Variants in NAALADL2 observed in about 807,000 individuals in gnomAD.
NAALADL2 encodes the protein inactive N-acetylated-alpha-linked acidic dipeptidase-like protein 2.
A neutral mutation model predicts 87.2 loss-of-function variants in NAALADL2; 76 were observed. That is an observed-to-expected ratio of 0.87 (90% confidence interval 0.72 to 1.05). The LOEUF is 1.05. Ranked by LOEUF, NAALADL2 falls within the 50% of genes least tolerant of loss-of-function variation. NAALADL2 has a pLI of 0.00. For missense variants in NAALADL2, 1,089 were observed against 945.8 expected (o/e 1.15, Z -1.99); for synonymous variants, 354 against 331.0 (o/e 1.07, Z -0.75).
At chr3:174,773,980 C>A (rs1338857203) in intron 3 of NAALADL2, among the ~76,000 whole-genome samples, 1 of 152,066 alleles carries the variant, frequency 6.6e-6, no homozygotes, top group Non-Finnish European at 1.5e-5. Context: ...ACTGAATTTT[C>A]ATGATTGCCT....
At chr3:175,464,236 G>C (rs978884320) in intron 7 of NAALADL2, among the ~76,000 whole-genome samples, 3 of 151,516 alleles carry the variant, frequency 2.0e-5, no homozygotes, top group Non-Finnish European at 4.4e-5. Context: ...CTGTATCCTT[G>C]GTCCATTGCC....
chr3:175,103,057 C>A lies in NAALADL2; in HGVS notation c.545+5766C>A, dbSNP rs561486646. Among the ~76,000 whole-genome samples, 19 of 145,514 alleles carry A rather than the reference C, an allele frequency of 1.3e-4. No homozygotes were observed. The South Asian group carries it at 3.6e-3, about 28-fold the overall frequency. On this transcript the variant is annotated intron_variant, in intron 2 of 13. Coordinates refer to ENST00000454872, the MANE Select transcript of NAALADL2 (RefSeq NM_207015.3). The stretch of plus-strand genomic sequence containing the variant: ...CCAGGAGGCGGAGGTTGCAGTGAGC[C>A]GAGATCCACCACTGCATTCCAGCCA...
chr3:174,529,304 G>A (rs1262729802), intron 1 of NAALADL2, among the ~76,000 whole-genome samples: 1 of 152,218 alleles, frequency 6.6e-6, no homozygotes, highest in South Asian at 2.1e-4. Flanking sequence ...AGGTTGCACT[G>A]ATGCAAGAGG....
intron 1 of NAALADL2, among the ~76,000 whole-genome samples, chr3:174,922,893 G>A (rs1399320671): frequency 1.3e-5 from 2 of 152,046 alleles, no homozygotes; most frequent in African/African-American, 2.4e-5. Flanking sequence ...CTTTTTGCTG[G>A]TGGTATTAAC....
At chr3:174,499,507 C>A (rs1411303396) in intron 1 of NAALADL2, among the ~76,000 whole-genome samples, 1 of 152,062 alleles carries the variant, frequency 6.6e-6, no homozygotes, top group Non-Finnish European at 1.5e-5. Flanking sequence ...CTATCCCTAT[C>A]CCAAGCACAC....
Position 175,364,122 on chromosome 3 carries a change from TAAAGA to T in NAALADL2, c.1090+39803_1090+39807del, listed in dbSNP as rs1400924334. On this transcript the variant is annotated intron_variant, in intron 5 of 13. Coordinates refer to ENST00000454872, the MANE Select transcript of NAALADL2 (RefSeq NM_207015.3). ...ATGTAATTAGATTTACTGATTCAAA[TAAAGA>T]AAAGAGTGATAAATTTCTGTGTGTG... 2.5e-4 allele frequency among the ~76,000 whole-genome samples: 37 copies of T among 147,990 alleles called. 2 individuals are homozygous for T. The highest frequency in any genetic ancestry group is 7.8e-4 in the African/African-American group (32 of 40,858).
chr3:175,393,850 T>C lies in NAALADL2; in HGVS notation c.1091-53379T>C, dbSNP rs2149031071. On this transcript the variant is annotated intron_variant, in intron 5 of 13. Transcript: ENST00000454872. ...TTTTGAAAATTGTCCTAAAAATGTCTTTGGTAGCTATGTCTTCAACCCAAC... is the reference window on the plus strand; with the variant it reads ...TTTTGAAAATTGTCCTAAAAATGTCCTTGGTAGCTATGTCTTCAACCCAAC... Among the ~76,000 whole-genome samples, 5 of 152,332 alleles carry C rather than the reference T, an allele frequency of 3.3e-5. No homozygotes were observed. The South Asian group carries it at 1.0e-3, about 32-fold the overall frequency.
intron 2 of NAALADL2, among the ~76,000 whole-genome samples, chr3:175,181,626 T>C (rs998141529): frequency 6.7e-6 from 1 of 150,062 alleles, no homozygotes; most frequent in Admixed American, 6.7e-5. Flanking sequence ...ATCCATGTTG[T>C]TGCAAATGAC....
At chr3:175,327,148 CTTTTT>C (rs35198621) in intron 5 of NAALADL2, among the ~76,000 whole-genome samples, 15,191 of 99,366 alleles carry the variant, frequency 0.15, 743 homozygotes, top group Middle Eastern at 0.22. Context: ...GTCTACATTT[CTTTTT>C]TTTTTTTTTT....
chr3:175,569,929 T>TG (rs1717786162), intron 9 of NAALADL2, among the ~76,000 whole-genome samples: 1 of 151,746 alleles, frequency 6.6e-6, no homozygotes, highest in Non-Finnish European at 1.5e-5. Context: ...TGTGTGTGTG[T>TG]GTATTTGTAG....
At chr3:174,602,912 A>G (rs1315462099) in intron 2 of NAALADL2, among the ~76,000 whole-genome samples, 3 of 151,946 alleles carry the variant, frequency 2.0e-5, no homozygotes, top group Non-Finnish European at 4.4e-5. Flanking sequence ...CATTCTGTTG[A>G]TGTAATGTAT....
intron 3 of NAALADL2, chr3:175,234,958 A>G (rs940823387): frequency 6.6e-6 from 1 of 152,176 alleles, no homozygotes; most frequent in African/African-American, 2.4e-5. Context: ...TAGTAAGAAC[A>G]ATATACAAGT....
chr3:175,328,452 A>G (rs73184763), intron 5 of NAALADL2, among the ~76,000 whole-genome samples: 7,420 of 151,934 alleles, frequency 0.049, 268 homozygotes, highest in Non-Finnish European at 0.076. Flanking sequence ...GACTTTTTGT[A>G]AATTGCGGGG....
At chr3:174,797,977 T>C (rs1437124438) in intron 3 of NAALADL2, among the ~76,000 whole-genome samples, 2 of 152,242 alleles carry the variant, frequency 1.3e-5, no homozygotes, top group East Asian at 3.9e-4. Flanking sequence ...TCTAAGAGTT[T>C]TATAGTTTTA....
At chr3:174,505,921 T>C (rs1216603659) in intron 1 of NAALADL2, among the ~76,000 whole-genome samples, 1 of 152,160 alleles carries the variant, frequency 6.6e-6, no homozygotes, top group Non-Finnish European at 1.5e-5. Flanking sequence ...AAACTTTTCC[T>C]AATTTTACCA....
intron 5 of NAALADL2, among the ~76,000 whole-genome samples, chr3:175,329,629 G>A (rs1158639550): frequency 6.6e-6 from 1 of 152,080 alleles, no homozygotes; most frequent in African/African-American, 2.4e-5. Context: ...TCACTTGGTT[G>A]GGGAAAATAA....
intron 5 of NAALADL2, among the ~76,000 whole-genome samples, chr3:175,369,937 A>T (rs1169342002): frequency 6.6e-6 from 1 of 152,168 alleles, no homozygotes; most frequent in Non-Finnish European, 1.5e-5. Flanking sequence ...CAAATGTGAA[A>T]GTTTCCCTTA....
chr3:175,421,215 T>TGGTTA (rs1352392354), intron 5 of NAALADL2, among the ~76,000 whole-genome samples: 1 of 151,932 alleles, frequency 6.6e-6, no homozygotes, highest in Non-Finnish European at 1.5e-5. Flanking sequence ...TCTCCTAGGG[T>TGGTTA]GGATAAAGTG....
intron 1 of NAALADL2, among the ~76,000 whole-genome samples, chr3:174,996,226 G>A (rs950081829): frequency 6.6e-6 from 1 of 152,098 alleles, no homozygotes; most frequent in East Asian, 1.9e-4. Flanking sequence ...GGCTGGGCGC[G>A]GTGGCTCACG....
Sources: allele counts gnomAD v4.1 joint callset (sites outside exome capture counted in the v4.1 genomes callset), GRCh38; gene constraint gnomAD v4.1.1; transcripts MANE v1.5; gene names NCBI Gene and HGNC (gene_info 2026-07-23, HGNC 2026-07-21).